GDAP1: variants seen among roughly 807,000 people sequenced by gnomAD.
GDAP1 encodes ganglioside induced differentiation associated protein 1.
GDAP1 carries 34 observed loss-of-function variants against 40.1 expected under a neutral mutation model. The ratio of observed to expected loss-of-function variants is 0.85; its 90% CI spans 0.64 to 1.13. GDAP1 has a LOEUF of 1.13. Ranked by LOEUF, GDAP1 falls within the 50% of genes most tolerant of loss-of-function variation. The probability of loss-of-function intolerance (pLI) is 0.00; values close to 1 mark genes in which losing one functional copy is unlikely to be tolerated. For synonymous variants in GDAP1, 170 were observed against 157.4 expected, an observed-to-expected ratio of 1.08 and a Z score of -0.60; for missense variants, 374 against 433.7, an observed-to-expected ratio of 0.86 and a Z score of 1.22.
intron 2 of GDAP1, among the ~76,000 whole-genome samples, chr8:74,433,612 G>A (rs915606256): frequency 6.6e-6 from 1 of 152,132 alleles, no homozygotes; most frequent in Non-Finnish European, 1.5e-5. Flanking sequence ...ATGTCAAAAT[G>A]ATTAAATATT....
At chr8:74,447,145 G>A (rs1007211360) in intron 2 of GDAP1, among the ~76,000 whole-genome samples, 2 of 152,094 alleles carry the variant, frequency 1.3e-5, no homozygotes, top group Non-Finnish European at 2.9e-5. Flanking sequence ...ATTAATAGCT[G>A]AAATATAAGT....
chr8:74,469,109 G>A (rs893784907), intron 2 of GDAP1, among the ~76,000 whole-genome samples: 1 of 152,070 alleles, frequency 6.6e-6, no homozygotes, highest in African/African-American at 2.4e-5. Context: ...CATTATTGGA[G>A]TAAACCCAAT....
intron 2 of GDAP1, among the ~76,000 whole-genome samples, chr8:74,353,914 A>T (rs1445552918): frequency 6.6e-6 from 1 of 152,156 alleles, no homozygotes; most frequent in African/African-American, 2.4e-5. Flanking sequence ...CAGTGAAAGG[A>T]ACCAATTTAA....
rs1227505119 is a variant in GDAP1 at position 74,408,623 on chromosome 8, A to G, written c.165+57302A>G. Among the ~76,000 whole-genome samples, 3 of 150,040 alleles carry G rather than the reference A, an allele frequency of 2.0e-5. No individual in the cohort carries two copies. The East Asian group carries it at 5.8e-4, about 29-fold the overall frequency. On this transcript the variant is annotated intron_variant, in intron 2 of 2. Transcript: ENST00000523640. ...GATCTTGGAGTTGTCAGCCTCCAGA[A>G]CTATGAGAAATAAATTTCTGTTGTT...
At chr8:74,439,729 A>C (rs948330043) in intron 2 of GDAP1, among the ~76,000 whole-genome samples, 3 of 151,872 alleles carry the variant, frequency 2.0e-5, no homozygotes, top group Non-Finnish European at 4.4e-5. Context: ...TTATGTTTCA[A>C]ATTGTGCCTT....
intron 2 of GDAP1, 147 bp from the exon 3 acceptor site, chr8:74,359,990 G>C (rs1401783537): frequency 1.4e-6 from 1 of 692,130 alleles, no homozygotes; most frequent in African/African-American, 1.8e-5. Flanking sequence ...AACTTTGAAT[G>C]AATGTCTGAG....
Position 74,388,709 on chromosome 8 carries a change from T to C in GDAP1, c.165+37388T>C, listed in dbSNP as rs370760645. On this transcript the variant is annotated intron_variant, in intron 2 of 2. Coordinates refer to the GDAP1 transcript ENST00000523640. ...GTCTGTTAGGTCCACTTGGTCCAAGTTGAGTTCAAGTCCTGACTATACTTG... is the reference window on the plus strand; with the variant it reads ...GTCTGTTAGGTCCACTTGGTCCAAGCTGAGTTCAAGTCCTGACTATACTTG... Among the ~76,000 whole-genome samples the C allele has an allele frequency of 4.6e-5, 7 of 152,120 alleles. No homozygotes were observed. In the East Asian group the frequency reaches 1.3e-3, roughly 29 times the overall value.
intron 2 of GDAP1, among the ~76,000 whole-genome samples, chr8:74,464,775 A>G (rs1444640910): frequency 6.6e-6 from 1 of 152,210 alleles, no homozygotes; most frequent in Non-Finnish European, 1.5e-5. Context: ...GTCATGCCAT[A>G]TTTAGGGAAA....
chr8:74,461,144 A>C (rs1806395784), intron 2 of GDAP1, among the ~76,000 whole-genome samples: 1 of 152,186 alleles, frequency 6.6e-6, no homozygotes, highest in African/African-American at 2.4e-5. Context: ...CTTAGCCATA[A>C]ATCTGTCCCA....
chr8:74,363,275 A>G (rs1809463514), intron 5 of GDAP1, among the ~76,000 whole-genome samples: 1 of 152,178 alleles, frequency 6.6e-6, no homozygotes. Context: ...CATAATTTAA[A>G]TTATGCTTGG....
intron 2 of GDAP1, among the ~76,000 whole-genome samples, chr8:74,398,478 A>G (rs1032663772): frequency 6.6e-6 from 1 of 152,198 alleles, no homozygotes; most frequent in Non-Finnish European, 1.5e-5. Context: ...TAGATATACA[A>G]TCATGTCATC....
downstream of GDAP1, among the ~76,000 whole-genome samples, chr8:74,371,694 A>T (rs1442833451): frequency 6.6e-6 from 1 of 152,184 alleles, no homozygotes. Context: ...GAGTTGAATA[A>T]TAAAAATACA....
intron 2 of GDAP1, among the ~76,000 whole-genome samples, chr8:74,399,524 A>C (rs945892737): frequency 3.4e-5 from 5 of 146,492 alleles, no homozygotes; most frequent in East Asian, 2.0e-4. Context: ...TAATTTTTTG[A>C]AGGGTTTTTT....
chr8:74,434,204 G>T (rs1435025177), intron 2 of GDAP1, among the ~76,000 whole-genome samples: 1 of 152,154 alleles, frequency 6.6e-6, no homozygotes, highest in Non-Finnish European at 1.5e-5. Flanking sequence ...GCAGTCTTCT[G>T]GGGACTGTTC....
intron 2 of GDAP1, among the ~76,000 whole-genome samples, chr8:74,428,102 T>A (rs1470470718): frequency 6.6e-6 from 1 of 152,086 alleles, no homozygotes; most frequent in Non-Finnish European, 1.5e-5. Flanking sequence ...TAAAGAATGG[T>A]CACCCAGAAG....
At chr8:74,422,472 T>C (rs980215837) in intron 2 of GDAP1, among the ~76,000 whole-genome samples, 1 of 121,506 alleles carries the variant, frequency 8.2e-6, no homozygotes, top group Non-Finnish European at 1.7e-5. Context: ...TTTCCTTCCT[T>C]CCTCCCTCCC....
Position 74,366,187 on chromosome 8 carries a change from C to A in GDAP1, c.*1820C>A. 2.2e-6 allele frequency: 1 copy of A among 453,958 alleles called. No individual in the cohort carries two copies. The highest frequency in any genetic ancestry group is 2.0e-5 in the African/African-American group (1 of 50,086). The allele number at this position is 453,958 out of a possible 1,614,324, so 28.1% of individuals were successfully genotyped here. ...TGTTTATAATTTCCTTGTACAGTTTCTTTGGAAATACGTTAAAGATAGTGG... is the reference window on the plus strand; with the variant it reads ...TGTTTATAATTTCCTTGTACAGTTTATTTGGAAATACGTTAAAGATAGTGG... On this transcript the variant is annotated 3_prime_UTR_variant, in exon 6 of 6. Transcript: ENST00000220822.
chr8:74,417,001 T>C (rs1056236237), intron 2 of GDAP1, among the ~76,000 whole-genome samples: 1 of 144,820 alleles, frequency 6.9e-6, no homozygotes, highest in East Asian at 2.1e-4. Flanking sequence ...TCTACCCCAA[T>C]AGTCAGGTAG....
chr8:74,486,719 C>G (rs1806780587), intron 2 of GDAP1, among the ~76,000 whole-genome samples: 1 of 152,168 alleles, frequency 6.6e-6, no homozygotes, highest in Non-Finnish European at 1.5e-5. Flanking sequence ...AGTCTCCTTT[C>G]TCAGCTAAGA....
Sources: gnomAD v4.1 joint callset for allele counts (sites outside exome capture counted in the v4.1 genomes callset) on GRCh38, gnomAD v4.1.1 for gene constraint, MANE v1.5 for transcripts, NCBI Gene and HGNC (gene_info 2026-07-23, HGNC 2026-07-21) for gene names.